The following CBX5 variants were observed in gnomAD, a reference collection of about 807,000 sequenced individuals.
The protein encoded by CBX5 is chromobox protein homolog 5.
A neutral mutation model predicts 20.7 loss-of-function variants in CBX5; 7 were observed. That is an observed-to-expected ratio of 0.34 (90% confidence interval 0.19 to 0.63). CBX5 has a LOEUF of 0.63. Ranked by LOEUF, CBX5 falls within the 30% of genes least tolerant of loss-of-function variation. The pLI is 0.75. For synonymous variants in CBX5, 78 were observed against 77.0 expected, an observed-to-expected ratio of 1.01 and a Z score of -0.07; for missense variants, 110 against 224.1, an observed-to-expected ratio of 0.49 and a Z score of 3.25.
rs925359099 is a variant in CBX5 at position 54,230,956 on chromosome 12, A to C, written c.*10799T>G. 15 of 152,250 alleles carry C rather than the reference A, an allele frequency of 9.9e-5. No individual in the cohort carries two copies. The highest frequency in any genetic ancestry group is 3.4e-4 in the African/African-American group (14 of 41,466). The allele number at this position is 152,250 out of a possible 1,614,324, so 9.4% of individuals were successfully genotyped here. Reference sequence around the variant, plus strand: ...CACTCAGAATCCATATTTGAAAAGCAACCATTTATTAGAACCAATACAAGA... The same window carrying C: ...CACTCAGAATCCATATTTGAAAAGCCACCATTTATTAGAACCAATACAAGA... On this transcript the variant is annotated 3_prime_UTR_variant, in exon 5 of 5. Transcript: ENST00000209875.
Position 54,252,023 on chromosome 12 carries a change from A to T in CBX5, c.324+18T>A, listed in dbSNP as rs997873913. ...TGGCAAAAGAATAGTTTTTGGGGAA[A>T]AGGGAAAGGAAGCTTACCTCTCTCT... On this transcript the variant is annotated intron_variant, in intron 3 of 4. Transcript: ENST00000209875. 6.5e-7 allele frequency: 1 copy of T among 1,532,068 alleles called. No homozygotes were observed. The highest frequency in any genetic ancestry group is 1.4e-5 in the African/African-American group (1 of 70,836). The allele number at this position is 1,532,068 out of a possible 1,614,324, so 94.9% of individuals were successfully genotyped here.
intron 3 of CBX5, among the ~76,000 whole-genome samples, chr12:54,246,586 C>T (rs964105030): frequency 1.3e-5 from 2 of 151,868 alleles, no homozygotes; most frequent in Non-Finnish European, 2.9e-5. Flanking sequence ...TCAAGACCAG[C>T]CTGGCCAACA....
chr12:54,270,520 G>A (rs532607990), intron 1 of CBX5, among the ~76,000 whole-genome samples: 7 of 152,182 alleles, frequency 4.6e-5, no homozygotes, highest in South Asian at 2.1e-4. Flanking sequence ...TGATCCTCTC[G>A]CCTCAGCTTC....
chr12:54,267,518 T>TC (rs1252164438), intron 1 of CBX5, among the ~76,000 whole-genome samples: 1 of 150,254 alleles, frequency 6.7e-6, no homozygotes, highest in East Asian at 1.9e-4. Context: ...TTTTTCTCTT[T>TC]TTTTTTTTTT....
chr12:54,245,730 C>T (rs1007609786), intron 4 of CBX5, among the ~76,000 whole-genome samples: 1 of 151,926 alleles, frequency 6.6e-6, no homozygotes, highest in Non-Finnish European at 1.5e-5. Flanking sequence ...GCGGAGGTTG[C>T]GGTAAGCCGA....
intron 1 of CBX5, among the ~76,000 whole-genome samples, chr12:54,258,922 T>C (rs574570633): frequency 6.6e-6 from 1 of 152,278 alleles, no homozygotes; most frequent in Non-Finnish European, 1.5e-5. Flanking sequence ...GTGGCAATTA[T>C]CAATTCACTT....
intron 1 of CBX5, among the ~76,000 whole-genome samples, chr12:54,259,872 AAG>A (rs1943899151): frequency 6.6e-6 from 1 of 152,202 alleles, no homozygotes; most frequent in Non-Finnish European, 1.5e-5. Context: ...ATAACATTTT[AAG>A]ATCATCTAAC....
intron 3 of CBX5, among the ~76,000 whole-genome samples, chr12:54,250,811 C>CAAAAAAAAAA (rs1164585269): frequency 3.6e-4 from 14 of 39,352 alleles, no homozygotes; most frequent in Admixed American, 4.6e-4. Flanking sequence ...GACTCCGTCT[C>CAAAAAAAAAA]AAAAAAAAAA....
At chr12:54,279,486 C>G (rs1346146053) in intron 1 of CBX5, among the ~76,000 whole-genome samples, 1 of 152,122 alleles carries the variant, frequency 6.6e-6, no homozygotes, top group Admixed American at 6.5e-5. Flanking sequence ...ATTACAGGCA[C>G]CGACTCCCCT....
chr12:54,255,558 C>CAAAAAAAAAAAA (rs34624476), intron 2 of CBX5: 1 of 88,714 alleles, frequency 1.1e-5, no homozygotes, highest in African/African-American at 4.2e-5. Flanking sequence ...GACTCTGTCT[C>CAAAAAAAAAAAA]AAAAAAAAAA....
chr12:54,250,841 A>AAAAG (rs1475936626), intron 3 of CBX5, among the ~76,000 whole-genome samples: 16 of 130,304 alleles, frequency 1.2e-4, no homozygotes, highest in Admixed American at 2.4e-4. Context: ...AAAAAAAAAA[A>AAAAG]AAAGAAAGGG....
chr12:54,246,243 C>T (rs1279369075), intron 3 of CBX5, 28 bp from the exon 4 acceptor site: 1 of 1,538,990 alleles, frequency 6.5e-7, no homozygotes, highest in Non-Finnish European at 9.0e-7. Flanking sequence ...AGAAAGGTTA[C>T]AGCTTGTGGA....
rs1943679714 is a variant in CBX5 at position 54,241,860 on chromosome 12, A to G, written c.471T>C (p.Asn157=). The part of the protein sequence containing the change: ...EADLVLAKEA[N]VKCPQIVIAF... ...CTATCACAATTTGTGGACATTTCACATTAGCTTCTTTTGCAAGAACCAGGT... is the reference window on the plus strand; with the variant it reads ...CTATCACAATTTGTGGACATTTCACGTTAGCTTCTTTTGCAAGAACCAGGT... The change falls in exon 5 of 5, where the codon AAT becomes AAC. Residue 157 remains asparagine, a synonymous_variant. Coordinates refer to ENST00000209875, the MANE Select transcript of CBX5 (RefSeq NM_012117.3). 2 of 1,613,966 alleles carry G rather than the reference A, an allele frequency of 1.2e-6. No individual in the cohort carries two copies. The highest frequency in any genetic ancestry group is 4.5e-5 in the East Asian group (2 of 44,874).
Position 54,232,695 on chromosome 12 carries a change from T to C in CBX5, c.*9060A>G, listed in dbSNP as rs1943580674. ...AATTCAATAACTGAAGGGTATTAAC[T>C]GAGGGCCTATTATTTATCTAGTATA... On this transcript the variant is annotated 3_prime_UTR_variant, in exon 5 of 5. Coordinates refer to ENST00000209875, the MANE Select transcript of CBX5 (RefSeq NM_012117.3). The C allele has an allele frequency of 6.6e-6, 1 of 151,858 alleles. No homozygotes were observed. Among genetic ancestry groups the C allele is most frequent in the South Asian group, 2.1e-4 (1 of 4,814 alleles). 9.4% of individuals were successfully genotyped at this position (151,858 alleles called of 1,614,324 possible).
chr12:54,255,213 A>G (rs1943850724), intron 2 of CBX5, among the ~76,000 whole-genome samples: 1 of 151,998 alleles, frequency 6.6e-6, no homozygotes, highest in African/African-American at 2.4e-5. Flanking sequence ...GATCGCTTGA[A>G]CCCAAGAGAG....
chr12:54,262,811 A>G (rs914679540), intron 1 of CBX5: 2 of 152,406 alleles, frequency 1.3e-5, no homozygotes, highest in African/African-American at 2.4e-5. Context: ...GCTTTCCAGC[A>G]TGAGAAATGA....
intron 2 of CBX5, among the ~76,000 whole-genome samples, chr12:54,253,025 T>TGAG (rs1592157999): frequency 6.9e-6 from 1 of 145,672 alleles, no homozygotes; most frequent in East Asian, 2.1e-4. Context: ...TGCCTGGGGC[T>TGAG]GAGGGAGGGA....
chr12:54,279,383 G>C (rs1944105832), intron 1 of CBX5, among the ~76,000 whole-genome samples: 1 of 152,142 alleles, frequency 6.6e-6, no homozygotes, highest in Admixed American at 6.5e-5. Context: ...GAATACAGGA[G>C]CAAACTTACG....
intron 1 of CBX5, among the ~76,000 whole-genome samples, chr12:54,260,043 A>G (rs555977601): frequency 2.5e-4 from 38 of 152,132 alleles, no homozygotes; most frequent in Middle Eastern, 6.8e-3. Flanking sequence ...GCTTGAGGGG[A>G]AAAATAACAG....
Sources: allele counts gnomAD v4.1 joint callset (sites outside exome capture counted in the v4.1 genomes callset), GRCh38; gene constraint gnomAD v4.1.1; transcripts MANE v1.5; gene names NCBI Gene and HGNC (gene_info 2026-07-23, HGNC 2026-07-21).